PAX7: variants seen among roughly 807,000 people sequenced by gnomAD.
The protein encoded by PAX7 is paired box 7, also known as paired box protein Pax-7.
PAX7 carries 18 observed loss-of-function variants against 50.7 expected under a neutral mutation model. The observed-to-expected ratio is 0.36, with a 90% CI of 0.25 to 0.53. The LOEUF (loss-of-function observed/expected upper bound fraction) is 0.53. Among genes scored for constraint, PAX7 ranks in the 20% least tolerant of loss-of-function variants. The pLI, the probability that PAX7 is intolerant of heterozygous loss-of-function variation, is 0.93. For missense variants in PAX7, 644 were observed against 702.9 expected, an observed-to-expected ratio of 0.92 and a Z score of 0.95; for synonymous variants, 310 against 290.4, an observed-to-expected ratio of 1.07 and a Z score of -0.69.
chr1:18,645,707 T>C (rs2088327749), intron 4 of PAX7, among the ~76,000 whole-genome samples: 1 of 152,150 alleles, frequency 6.6e-6, no homozygotes, highest in Non-Finnish European at 1.5e-5. Flanking sequence ...ATTGTGAGTC[T>C]GGATCAAGCC....
At chr1:18,722,344 GCTA>G (rs1557551462) in intron 7 of PAX7, among the ~76,000 whole-genome samples, 1 of 152,134 alleles carries the variant, frequency 6.6e-6, no homozygotes, top group Non-Finnish European at 1.5e-5. Flanking sequence ...CAGCGAGAAA[GCTA>G]CTATCTCCTC....
At chr1:18,736,446 C>T (rs1930651039) in intron 8 of PAX7, among the ~76,000 whole-genome samples, 1 of 121,930 alleles carries the variant, frequency 8.2e-6, no homozygotes, top group Non-Finnish European at 1.6e-5. Flanking sequence ...GCCTGTGTGA[C>T]AGAGCAAGAC....
At chr1:18,687,272 A>G (rs2088990906) in intron 4 of PAX7, among the ~76,000 whole-genome samples, 1 of 152,100 alleles carries the variant, frequency 6.6e-6, no homozygotes, top group Admixed American at 6.6e-5. Context: ...TCATTTTTAT[A>G]GCGGAGAAAA....
intron 7 of PAX7, among the ~76,000 whole-genome samples, chr1:18,730,136 C>T (rs1413898899): frequency 6.6e-6 from 1 of 152,180 alleles, no homozygotes. Context: ...AGGCATGGCA[C>T]ATCCAGTGTA....
chr1:18,698,514 A>G (rs1194360939), intron 5 of PAX7, among the ~76,000 whole-genome samples: 1 of 152,194 alleles, frequency 6.6e-6, no homozygotes, highest in Non-Finnish European at 1.5e-5. Flanking sequence ...TCCCATCCTC[A>G]TGTCCAGGTT....
Position 18,649,156 on chromosome 1 carries a change from T to G in PAX7, c.586+12785T>G, listed in dbSNP as rs573915798. 1.3e-4 allele frequency among the ~76,000 whole-genome samples: 20 copies of G among 152,220 alleles called. No individual in the cohort carries two copies. In the East Asian group the frequency reaches 3.5e-3, roughly 27 times the overall value. ...AAGCTCAGGTCCAGAGGGAGTGACA[T>G]GAGTGAGGCCAATGGAGGGGAAGGC... is the stretch of plus-strand genomic sequence containing the variant. On this transcript the variant is annotated intron_variant, in intron 4 of 8. Transcript: ENST00000420770.
At chr1:18,703,398 C>A in intron 7 of PAX7, 102 bp downstream of exon 7, 1 of 1,047,642 alleles carries the variant, frequency 9.5e-7, no homozygotes. Context: ...CTGTAGCAGG[C>A]TGACTGCGGT....
At chr1:18,743,038 C>T (rs1313980404) in intron 8 of PAX7, among the ~76,000 whole-genome samples, 1 of 152,188 alleles carries the variant, frequency 6.6e-6, no homozygotes, top group East Asian at 1.9e-4. Context: ...TTCATCCCCT[C>T]CTGCCCCCAT....
At chr1:18,729,497 T>C (rs558563541) in intron 7 of PAX7, among the ~76,000 whole-genome samples, 49 of 152,358 alleles carry the variant, frequency 3.2e-4, no homozygotes, top group African/African-American at 1.2e-3. Context: ...TGTAAGTGTA[T>C]TGGATGAGTT....
chr1:18,634,066 G>C lies in PAX7; in HGVS notation c.86-237G>C, dbSNP rs2088104303. On this transcript the variant is annotated intron_variant, in intron 1 of 8. Transcript: ENST00000420770. This position sits in a 1 kb window ranked among gnomAD's most constrained non-coding sequence, Gnocchi z 4.0. The stretch of plus-strand genomic sequence containing the variant: ...CAGGAGTTGGGGGACACAGCATCTG[G>C]GGAGACTCTTGCAGCTGTGACTCCT... Among the ~76,000 whole-genome samples the C allele has an allele frequency of 1.3e-5, 2 of 152,142 alleles. No individual in the cohort carries two copies.
chr1:18,736,061 A>C (rs2089709515), intron 8 of PAX7, 183 bp downstream of exon 8: 2 of 1,195,966 alleles, frequency 1.7e-6, no homozygotes, highest in Non-Finnish European at 2.4e-6. Context: ...GTTGGGCAAA[A>C]CCCAGGACAT....
At chr1:18,694,157 G>C (rs920211261) in intron 5 of PAX7, among the ~76,000 whole-genome samples, 1 of 152,148 alleles carries the variant, frequency 6.6e-6, no homozygotes, top group African/African-American at 2.4e-5. Flanking sequence ...AACAAAAAAC[G>C]TTTGAGTTTT....
At chr1:18,725,451 C>T (rs1336302232) in intron 7 of PAX7, among the ~76,000 whole-genome samples, 2 of 152,142 alleles carry the variant, frequency 1.3e-5, no homozygotes, top group East Asian at 1.9e-4. Context: ...CCCCTCAGCT[C>T]GGCCAATTAG....
intron 4 of PAX7, among the ~76,000 whole-genome samples, chr1:18,667,460 T>C (rs1298397944): frequency 6.9e-6 from 1 of 145,430 alleles, no homozygotes; most frequent in Non-Finnish European, 1.5e-5. Context: ...GGAGCTTTGG[T>C]CTGCACACAC....
intron 4 of PAX7, among the ~76,000 whole-genome samples, chr1:18,654,202 C>A (rs547962125): frequency 7.9e-5 from 12 of 151,958 alleles, no homozygotes; most frequent in African/African-American, 1.4e-4. Context: ...GCCCTCCCCC[C>A]ACCCGCCAGC....
chr1:18,713,800 G>T (rs527400938), intron 7 of PAX7, among the ~76,000 whole-genome samples: 92 of 152,322 alleles, frequency 6.0e-4, no homozygotes, highest in African/African-American at 2.1e-3. Context: ...ATAAAGGAAG[G>T]GGTAGGAGGT....
At chr1:18,653,696 G>C (rs145196158) in intron 4 of PAX7, among the ~76,000 whole-genome samples, 1 of 151,884 alleles carries the variant, frequency 6.6e-6, no homozygotes, top group East Asian at 1.9e-4. Flanking sequence ...GGTTCTGAAC[G>C]TATCTGCCCC....
chr1:18,647,670 A>G (rs950494167), intron 4 of PAX7, among the ~76,000 whole-genome samples: 1 of 152,156 alleles, frequency 6.6e-6, no homozygotes, highest in Non-Finnish European at 1.5e-5. Context: ...ATAATTACGT[A>G]AAGTACAGGG....
Sources: allele counts gnomAD v4.1 joint callset (sites outside exome capture counted in the v4.1 genomes callset), GRCh38; gene constraint gnomAD v4.1.1; non-coding constraint Gnocchi (gnomAD v3.1); transcripts MANE v1.5; gene names NCBI Gene and HGNC (gene_info 2026-07-23, HGNC 2026-07-21).